The following ZNF584 variants were observed in gnomAD, a reference collection of about 807,000 sequenced individuals.
ZNF584 encodes the protein zinc finger protein 584.
Under a neutral mutation model 14.7 loss-of-function variants are expected in ZNF584, and 12 were observed. The ratio of observed to expected loss-of-function variants is 0.82; its 90% CI spans 0.52 to 1.32. The LOEUF (loss-of-function observed/expected upper bound fraction) is 1.32. ZNF584 is among the 40% of genes most tolerant of loss of function. The probability of loss-of-function intolerance (pLI) is 0.00; values close to 1 mark genes in which losing one functional copy is unlikely to be tolerated. For missense variants in ZNF584, 478 were observed against 518.8 expected (o/e 0.92, Z 0.76); for synonymous variants, 204 against 190.9 (o/e 1.07, Z -0.57).
At chr19:58,402,864 A>G (rs11666928) in intron 1 of ZNF584, among the ~76,000 whole-genome samples, 24,898 of 149,268 alleles carry the variant, frequency 0.17, 2,349 homozygotes, top group Non-Finnish European at 0.21. Context: ...GTAGGTCTGA[A>G]TAGACCCCTC....
upstream of ZNF584, chr19:58,408,152 T>G (rs2052490724): frequency 6.6e-6 from 1 of 152,284 alleles, no homozygotes; most frequent in African/African-American, 2.4e-5. Flanking sequence ...TACCATGTTT[T>G]TGGCTGGGAC....
At chr19:58,413,533 GGAGTCT>G (rs1489922195) in intron 2 of ZNF584, among the ~76,000 whole-genome samples, 1 of 146,262 alleles carries the variant, frequency 6.8e-6, no homozygotes, top group African/African-American at 2.5e-5. Flanking sequence ...TTTTTGAGGT[GGAGTCT>G]GATGCCTCCC....
chr19:58,409,912 GT>G, intron 1 of ZNF584, 28 bp from the exon 2 acceptor site: 1 of 1,613,934 alleles, frequency 6.2e-7, no homozygotes, highest in South Asian at 1.1e-5. Flanking sequence ...TATTTTGGTT[GT>G]TTTTTTCTGC....
chr19:58,404,727 C>A (rs1027672435), upstream of ZNF584: 22 of 222,912 alleles, frequency 9.9e-5, no homozygotes, highest in Non-Finnish European at 2.0e-4. Context: ...TCATCATGGC[C>A]CGTTCTCAAC....
At chr19:58,410,555 A>T (rs1481549937) in intron 2 of ZNF584, among the ~76,000 whole-genome samples, 23 of 26,834 alleles carry the variant, frequency 8.6e-4, no homozygotes, top group South Asian at 1.5e-3. Flanking sequence ...ATATATATAT[A>T]TATGTGTATA....
intron 2 of ZNF584, among the ~76,000 whole-genome samples, chr19:58,410,853 G>A (rs71333260): frequency 7.9e-6 from 1 of 126,152 alleles, no homozygotes; most frequent in Non-Finnish European, 1.6e-5. Flanking sequence ...GTGCAGTGGC[G>A]CAATCTCGGC....
chr19:58,415,386 T>G lies in ZNF584; in HGVS notation c.170-138T>G, dbSNP rs559032102. Reference sequence around the variant, plus strand: ...TAAAATAATATATTTTTTGTAGAGTTGGGGTCTTACTGTGTTGCCCAGGCT... The same window carrying G: ...TAAAATAATATATTTTTTGTAGAGTGGGGGTCTTACTGTGTTGCCCAGGCT... On this transcript the variant is annotated intron_variant, in intron 2 of 3. Transcript: ENST00000306910. 4.6e-5 allele frequency: 39 copies of G among 844,396 alleles called. No individual in the cohort carries two copies. The East Asian group carries it at 6.9e-4, about 15-fold the overall frequency. The allele number at this position is 844,396 out of a possible 1,614,324, so 52.3% of individuals were successfully genotyped here. A position where few individuals can be genotyped will look rare whatever the true frequency, so the allele number is the denominator to read the frequency against.
At chr19:58,414,369 T>C (rs1357922313) in intron 2 of ZNF584, among the ~76,000 whole-genome samples, 2 of 151,948 alleles carry the variant, frequency 1.3e-5, no homozygotes, top group East Asian at 1.9e-4. Context: ...GACAGAGTCT[T>C]GCTCTGTCGC....
At chr19:58,414,855 G>A (rs2052619872) in intron 2 of ZNF584, among the ~76,000 whole-genome samples, 1 of 151,440 alleles carries the variant, frequency 6.6e-6, no homozygotes, top group Non-Finnish European at 1.5e-5. Context: ...AGTTATGTCA[G>A]TTTTGCTTCA....
intron 3 of ZNF584, chr19:58,416,026 C>G: frequency 6.7e-7 from 1 of 1,495,164 alleles, no homozygotes; most frequent in Non-Finnish European, 9.0e-7. Context: ...TAGACACATG[C>G]CTCCTCATAG....
At position 58,418,196 on chromosome 19, in the gene ZNF584, C is replaced by T. The variant is rs1599956738; in HGVS notation, c.*412C>T. 3 of 210,564 alleles carry T rather than the reference C, an allele frequency of 1.4e-5. No individual in the cohort carries two copies. In the East Asian group the frequency reaches 3.3e-4, roughly 23 times the overall value. 13.0% of individuals were successfully genotyped at this position (210,564 alleles called of 1,614,324 possible). A position where few individuals can be genotyped will look rare whatever the true frequency, so the allele number is the denominator to read the frequency against. On this transcript the variant is annotated 3_prime_UTR_variant, in exon 4 of 4. Coordinates refer to ENST00000306910, the MANE Select transcript of ZNF584 (RefSeq NM_173548.3). ...CTGAGCTGGTATCTGCTGGGGGCTT[C>T]CTGGGAAGGTTTACCATTTTCATGG...
upstream of ZNF584, among the ~76,000 whole-genome samples, chr19:58,403,694 G>A (rs2052445344): frequency 6.6e-6 from 1 of 152,064 alleles, no homozygotes. Flanking sequence ...AAATGGGCCG[G>A]GTGCGGTAGC....
intron 1 of ZNF584, among the ~76,000 whole-genome samples, chr19:58,402,805 CAA>C (rs1164662602): frequency 2.1e-5 from 2 of 93,926 alleles, no homozygotes; most frequent in African/African-American, 4.3e-5. Context: ...GCCTGGGCAA[CAA>C]GAGCGAAACT....
chr19:58,402,322 G>A (rs530415584), intron 1 of ZNF584, among the ~76,000 whole-genome samples: 364 of 152,212 alleles, frequency 2.4e-3, no homozygotes, highest in African/African-American at 8.2e-3. Flanking sequence ...GAGGGTGGTG[G>A]GAGAAGAAGT....
At position 58,410,647 on chromosome 19, in the gene ZNF584, G is replaced by GTATA. The variant is rs1202119449; in HGVS notation, c.169+560_169+563dup. Among the ~76,000 whole-genome samples the GTATA allele has an allele frequency of 7.7e-5, 2 of 25,916 alleles. 1 individual carries two copies. Among genetic ancestry groups the GTATA allele is most frequent in the African/African-American group, 9.5e-4 (2 of 2,096 alleles). The allele number at this position is 25,916 out of a possible 152,430, so 17.0% of individuals were successfully genotyped here. A position where few individuals can be genotyped will look rare whatever the true frequency, so the allele number is the denominator to read the frequency against. On this transcript the variant is annotated intron_variant, in intron 2 of 3. Transcript: ENST00000306910. Reference sequence around the variant, plus strand: ...TGTGTATATATGTGTATATATATGTGTATATATGTGTATATATGTATATAT... The same window carrying GTATA: ...TGTGTATATATGTGTATATATATGTGTATATATATATGTGTATATATGTATATAT...
chr19:58,416,752 G>T, intron 3 of ZNF584, 59 bp from the exon 4 acceptor site: 1 of 1,513,304 alleles, frequency 6.6e-7, no homozygotes, highest in South Asian at 1.4e-5. Context: ...ATGCACTGGT[G>T]ATTAAGGTAC....
At chr19:58,411,931 A>G (rs1018467199) in intron 2 of ZNF584, among the ~76,000 whole-genome samples, 4 of 147,756 alleles carry the variant, frequency 2.7e-5, no homozygotes, top group South Asian at 4.3e-4. Context: ...CATATGTTCA[A>G]CCTTGCATTA....
intron 2 of ZNF584, among the ~76,000 whole-genome samples, chr19:58,412,251 G>T (rs12983843): frequency 0.18 from 24,563 of 134,920 alleles, 2,396 homozygotes; most frequent in Non-Finnish European, 0.22. Flanking sequence ...CGCCCAGGCC[G>T]GACTGCGGAC....
At chr19:58,409,865 G>C in intron 1 of ZNF584, 76 bp from the exon 2 acceptor site, 1 of 1,576,128 alleles carries the variant, frequency 6.3e-7, no homozygotes, top group Non-Finnish European at 8.7e-7. Context: ...AGGACCCTGA[G>C]ATACAGGTCA....
Sources: gnomAD v4.1 joint callset for allele counts (sites outside exome capture counted in the v4.1 genomes callset) on GRCh38, gnomAD v4.1.1 for gene constraint, MANE v1.5 for transcripts, NCBI Gene and HGNC (gene_info 2026-07-23, HGNC 2026-07-21) for gene names.